RSPH14: variants seen among roughly 807,000 people sequenced by gnomAD.
RSPH14 encodes the protein rhabdoid tumor deletion region gene 1.
Under a neutral mutation model 26.7 loss-of-function variants are expected in RSPH14, and 20 were observed. The ratio of observed to expected loss-of-function variants is 0.75; its 90% CI spans 0.53 to 1.09. The LOEUF (loss-of-function observed/expected upper bound fraction) is 1.09. Ranked by LOEUF, RSPH14 falls within the 50% of genes least tolerant of loss-of-function variation. The pLI is 0.00. For missense variants in RSPH14, 449 were observed against 457.2 expected, an observed-to-expected ratio of 0.98 and a Z score of 0.16; for synonymous variants, 177 against 189.3, an observed-to-expected ratio of 0.93 and a Z score of 0.53.
intron 4 of RSPH14, among the ~76,000 whole-genome samples, chr22:23,118,246 A>C (rs2069906901): frequency 6.6e-6 from 1 of 152,100 alleles, no homozygotes; most frequent in Non-Finnish European, 1.5e-5. Context: ...AAATCACCTC[A>C]CCATTCCCCG....
intron 4 of RSPH14, among the ~76,000 whole-genome samples, chr22:23,099,345 C>T (rs1451842153): frequency 6.6e-6 from 1 of 152,252 alleles, no homozygotes; most frequent in Non-Finnish European, 1.5e-5. Flanking sequence ...TTCCCACCCT[C>T]GTCCGAAGGA....
chr22:23,063,981 C>G lies in RSPH14; in HGVS notation c.574G>C (p.Val192Leu). ...AGGAGCTTCTGCTTCAGGACAAGCACCACATTGCTGCCCAGGGCCTCGGTG... is the reference window on the plus strand; with the variant it reads ...AGGAGCTTCTGCTTCAGGACAAGCAGCACATTGCTGCCCAGGGCCTCGGTG... ...DATEALGSNV[V>L]LVLKQKLLSA... Residue 192 changes from valine to leucine, a missense_variant, in exon 5 of 7, where the codon GTG becomes CTG. By Grantham distance (32) the Val-to-Leu change is conservative (BLOSUM62 1). Transcript: ENST00000216036. The G allele has an allele frequency of 1.9e-6, 3 of 1,614,202 alleles. No homozygotes were observed. The highest frequency in any genetic ancestry group is 2.5e-6 in the Non-Finnish European group (3 of 1,180,030).
At chr22:23,104,396 C>T (rs1412375401) in intron 4 of RSPH14, among the ~76,000 whole-genome samples, 1 of 152,156 alleles carries the variant, frequency 6.6e-6, no homozygotes, top group Admixed American at 6.5e-5. Flanking sequence ...AGGCTGGATG[C>T]TCACAATGAT....
chr22:23,077,940 T>C (rs1337311387), intron 4 of RSPH14, among the ~76,000 whole-genome samples: 2 of 152,136 alleles, frequency 1.3e-5, no homozygotes. Context: ...GAGGAGCAAC[T>C]CCACCATGAG....
the RSPH14 span, among the ~76,000 whole-genome samples, chr22:23,156,898 C>T: frequency 2.6e-5 from 4 of 152,164 alleles, no homozygotes; most frequent in Non-Finnish European, 5.9e-5. Flanking sequence ...GCCTGGCTGC[C>T]GTCATCCCTT....
At chr22:23,135,997 T>TGTTA in intron 3 of RSPH14, 1 of 176,916 alleles carries the variant, frequency 5.7e-6, no homozygotes, top group South Asian at 2.0e-4. Flanking sequence ...ATTTTATTTA[T>TGTTA]TTTATTTATT....
upstream of RSPH14, chr22:23,146,542 A>C (rs1460127729): frequency 6.3e-7 from 1 of 1,580,904 alleles, no homozygotes; most frequent in Non-Finnish European, 8.6e-7. Flanking sequence ...GTGGAAACTC[A>C]TGGGTGAATC....
At chr22:23,066,961 C>T (rs1398391726) in intron 4 of RSPH14, among the ~76,000 whole-genome samples, 1 of 152,118 alleles carries the variant, frequency 6.6e-6, no homozygotes, top group Admixed American at 6.5e-5. Context: ...GTGTGTAGAC[C>T]AGGAATTCCA....
the RSPH14 span, chr22:23,180,279 C>CT: frequency 5.4e-6 from 1 of 186,528 alleles, no homozygotes; most frequent in Non-Finnish European, 1.1e-5. Flanking sequence ...AGTCCGGTGT[C>CT]TTTTTTACGG....
At position 23,140,393 on chromosome 22, in the gene RSPH14, G is replaced by A; in HGVS notation, c.28C>T (p.Leu10Phe). 6.2e-7 allele frequency: 1 copy of A among 1,614,214 alleles called. No homozygotes were observed. Among genetic ancestry groups the A allele is most frequent in the Non-Finnish European group, 8.5e-7 (1 of 1,180,038 alleles). Residue 10 changes from leucine to phenylalanine, a missense_variant, in exon 2 of 7, where the codon CTT becomes TTT. Coordinates refer to ENST00000216036, the MANE Select transcript of RSPH14 (RefSeq NM_014433.3). MAHSQNSLE[L>F]PININATQIT... ...TGGGTGGCATTGATGTTAATGGGAA[G>A]CTCCAAGGAGTTCTGGGAATGGGCC... is the stretch of plus-strand genomic sequence containing the variant.
intron 4 of RSPH14, among the ~76,000 whole-genome samples, chr22:23,114,402 TC>T (rs1179836178): frequency 3.9e-5 from 6 of 152,156 alleles, no homozygotes; most frequent in Non-Finnish European, 8.8e-5. Context: ...GCCCCACCCT[TC>T]CCAGCAATGC....
At position 23,061,957 on chromosome 22, in the gene RSPH14, A is replaced by G. The variant is rs111977700; in HGVS notation, c.654-12T>C. ...CCTCTCGAGATATGCTGGGGCAGAG[A>G]GGGAACAGAGAGGGGCTCTGCTTGG... is the stretch of plus-strand genomic sequence containing the variant. On this transcript the variant is annotated splice_polypyrimidine_tract_variant and intron_variant, in intron 5 of 6. Transcript: ENST00000216036. 1.5e-5 allele frequency: 24 copies of G among 1,613,714 alleles called. No homozygotes were observed. The highest frequency in any genetic ancestry group is 1.3e-4 in the African/African-American group (10 of 74,932).
chr22:23,159,285 G>A, the RSPH14 span: 21 of 1,545,314 alleles, frequency 1.4e-5, no homozygotes, highest in African/African-American at 2.7e-5. Context: ...CCATGGTGGG[G>A]CAGAGCCCTG....
At chr22:23,177,539 G>T in the RSPH14 span, among the ~76,000 whole-genome samples, 100 of 152,210 alleles carry the variant, frequency 6.6e-4, no homozygotes, top group South Asian at 0.02. Context: ...AGTGTTATGT[G>T]TGTCTAAACC....
intron 4 of RSPH14, among the ~76,000 whole-genome samples, chr22:23,120,838 T>C (rs117153927): frequency 3.4e-3 from 514 of 152,312 alleles, no homozygotes; most frequent in Middle Eastern, 0.017. Context: ...TGATGTGGAC[T>C]CAGGGCGCGC....
At chr22:23,126,604 G>T (rs551999535) in intron 4 of RSPH14, among the ~76,000 whole-genome samples, 6 of 152,334 alleles carry the variant, frequency 3.9e-5, no homozygotes, top group Admixed American at 3.9e-4. Flanking sequence ...TCCAAACAAT[G>T]CCCCATGGAG....
intron 4 of RSPH14, among the ~76,000 whole-genome samples, chr22:23,089,221 G>A (rs924164310): frequency 6.6e-6 from 1 of 152,198 alleles, no homozygotes; most frequent in East Asian, 1.9e-4. Flanking sequence ...GGCTTAGCCG[G>A]CTTGGGCAGT....
chr22:23,160,605 A>G, the RSPH14 span, among the ~76,000 whole-genome samples: 1 of 152,200 alleles, frequency 6.6e-6, no homozygotes, highest in Admixed American at 6.5e-5. Flanking sequence ...GCAAAGGCTC[A>G]GAAGTTTGAG....
intron 2 of RSPH14, 21 bp from the exon 3 acceptor site, chr22:23,138,963 A>C (rs1287816270): frequency 6.6e-7 from 1 of 1,508,572 alleles, no homozygotes; most frequent in Admixed American, 2.1e-5. Context: ...AAAAAAAAAC[A>C]AACAAACCAA....
Sources: gnomAD v4.1 joint callset for allele counts (sites outside exome capture counted in the v4.1 genomes callset) on GRCh38, gnomAD v4.1.1 for gene constraint, MANE v1.5 for transcripts, NCBI Gene and HGNC (gene_info 2026-07-23, HGNC 2026-07-21) for gene names.